Variants in MEI4 observed in about 807,000 individuals in gnomAD.
The protein encoded by MEI4 is meiotic double-stranded break formation protein 4.
A neutral mutation model predicts 31.4 loss-of-function variants in MEI4; 27 were observed. The ratio of observed to expected loss-of-function variants is 0.86; its 90% confidence interval spans 0.63 to 1.19. The LOEUF is 1.19. Ranked by LOEUF, MEI4 falls within the 50% of genes most tolerant of loss-of-function variation. MEI4 has a pLI of 0.00. For synonymous variants in MEI4, 122 were observed against 145.4 expected (o/e 0.84, Z 1.16); for missense variants, 329 against 398.9 (o/e 0.82, Z 1.49).
chr6:77,911,450 C>A (rs181767708), intron 4 of MEI4, among the ~76,000 whole-genome samples: 4 of 151,646 alleles, frequency 2.6e-5, no homozygotes, highest in Admixed American at 6.6e-5. Flanking sequence ...CAGGTATTAC[C>A]CCCTCCTTCT....
chr6:77,883,686 C>A (rs1771540938), intron 4 of MEI4, among the ~76,000 whole-genome samples: 1 of 98,488 alleles, frequency 1.0e-5, no homozygotes, highest in Non-Finnish European at 2.0e-5. Flanking sequence ...TGTTTATATA[C>A]ATATATATGC....
At chr6:77,874,282 G>C (rs1771274531) in intron 4 of MEI4, among the ~76,000 whole-genome samples, 1 of 152,022 alleles carries the variant, frequency 6.6e-6, no homozygotes, top group Admixed American at 6.6e-5. Context: ...TTATTTCCTT[G>C]AGCAGTGGTT....
At chr6:77,852,891 CAAT>C (rs1387059169) in intron 4 of MEI4, among the ~76,000 whole-genome samples, 2 of 152,034 alleles carry the variant, frequency 1.3e-5, no homozygotes, top group African/African-American at 4.8e-5. Flanking sequence ...GAAAAGAAAT[CAAT>C]AAAGCCAATA....
chr6:77,895,172 G>T (rs1237758479), intron 4 of MEI4, among the ~76,000 whole-genome samples: 2 of 152,116 alleles, frequency 1.3e-5, no homozygotes, highest in Non-Finnish European at 2.9e-5. Flanking sequence ...AAGTATAAAT[G>T]TAAGTGATTA....
chr6:77,815,900 AC>A (rs1288945110), intron 3 of MEI4, among the ~76,000 whole-genome samples: 1 of 113,068 alleles, frequency 8.8e-6, no homozygotes, highest in East Asian at 2.3e-4. Context: ...AAAAAAAAAA[AC>A]CAAAACAACA....
In MEI4 at chr6:77,693,165, T is replaced by C. The variant is rs9448152; in HGVS notation, c.232+2262T>C. 7.0e-3 allele frequency among the ~76,000 whole-genome samples: 1,059 copies of C among 152,190 alleles called. 13 individuals carry two copies. The highest frequency in any genetic ancestry group is 0.024 in the African/African-American group (999 of 41,534). On this transcript the variant is annotated intron_variant, in intron 2 of 4. Transcript: ENST00000684080. ...AATCTTACTATTGCATGAGCAAAAA[T>C]AGTATTACACAATTTACAGCCACAT...
Position 77,746,013 on chromosome 6 carries a change from A to G in MEI4, c.233-15117A>G, listed in dbSNP as rs997026255. Among the ~76,000 whole-genome samples the G allele has an allele frequency of 3.5e-4, 54 of 152,220 alleles. 6 individuals carry two copies. Among genetic ancestry groups the G allele is most frequent in the Admixed American group, 2.9e-3 (45 of 15,282 alleles). The stretch of plus-strand genomic sequence containing the variant: ...TATAACACTAAATGCCCACAAGAGA[A>G]AGCAGGAAAGATCCAAAATTGACAC... On this transcript the variant is annotated intron_variant, in intron 2 of 4. Transcript: ENST00000684080.
At chr6:77,655,129 C>T (rs1208596788) in intron 1 of MEI4, among the ~76,000 whole-genome samples, 1 of 152,104 alleles carries the variant, frequency 6.6e-6, no homozygotes, top group Non-Finnish European at 1.5e-5. Flanking sequence ...TTGTTCAACT[C>T]CCACTTATGA....
At chr6:77,673,848 G>T (rs1202105198) in intron 1 of MEI4, among the ~76,000 whole-genome samples, 2 of 152,164 alleles carry the variant, frequency 1.3e-5, no homozygotes, top group Non-Finnish European at 2.9e-5. Context: ...TGTATGAATA[G>T]TGTCCTGATA....
At chr6:77,738,292 C>T (rs781278980) in intron 2 of MEI4, among the ~76,000 whole-genome samples, 4 of 152,156 alleles carry the variant, frequency 2.6e-5, no homozygotes, top group African/African-American at 4.8e-5. Flanking sequence ...TCAGCTAAAA[C>T]GAATCTTCTC....
chr6:77,879,328 A>G (rs1372902415), intron 4 of MEI4, among the ~76,000 whole-genome samples: 1 of 152,200 alleles, frequency 6.6e-6, no homozygotes, highest in African/African-American at 2.4e-5. Flanking sequence ...TAAAATGATG[A>G]CATGAAAAGT....
intron 3 of MEI4, among the ~76,000 whole-genome samples, chr6:77,769,072 AACATT>A (rs1416426915): frequency 1.3e-5 from 2 of 152,190 alleles, no homozygotes; most frequent in African/African-American, 4.8e-5. Flanking sequence ...ACCTGATTTT[AACATT>A]ACATTAAGGA....
At chr6:77,674,684 T>C (rs1768807744) in intron 1 of MEI4, among the ~76,000 whole-genome samples, 1 of 152,090 alleles carries the variant, frequency 6.6e-6, no homozygotes, top group East Asian at 1.9e-4. Context: ...TGCATCTCTG[T>C]CATTAAGCAA....
chr6:77,876,669 A>T (rs1212389732), intron 4 of MEI4, among the ~76,000 whole-genome samples: 1 of 152,138 alleles, frequency 6.6e-6, no homozygotes, highest in Non-Finnish European at 1.5e-5. Flanking sequence ...TGTAAATATT[A>T]GTTTCCTCTG....
intron 2 of MEI4, among the ~76,000 whole-genome samples, chr6:77,711,328 A>G (rs574242533): frequency 5.9e-5 from 9 of 152,194 alleles, no homozygotes; most frequent in Admixed American, 1.3e-4. Flanking sequence ...GTATATGTGT[A>G]TATATGTATA....
chr6:77,744,014 G>A (rs528610220), intron 2 of MEI4, among the ~76,000 whole-genome samples: 4 of 152,142 alleles, frequency 2.6e-5, no homozygotes, highest in South Asian at 2.1e-4. Flanking sequence ...CCACAAAGAC[G>A]GAGAAAAAAC....
chr6:77,802,682 C>T (rs546199294), intron 3 of MEI4, among the ~76,000 whole-genome samples: 9 of 152,138 alleles, frequency 5.9e-5, no homozygotes, highest in Non-Finnish European at 1.2e-4. Flanking sequence ...ACAAAACTCT[C>T]TCAGCATTTG....
intron 2 of MEI4, among the ~76,000 whole-genome samples, chr6:77,706,202 C>T (rs531280449): frequency 6.6e-6 from 1 of 152,314 alleles, no homozygotes; most frequent in East Asian, 1.9e-4. Context: ...TAACCTTCTT[C>T]TGCCTTTCTG....
At chr6:77,822,617 C>A (rs933545320) in intron 3 of MEI4, among the ~76,000 whole-genome samples, 1 of 149,708 alleles carries the variant, frequency 6.7e-6, no homozygotes, top group African/African-American at 2.4e-5. Context: ...TGGATACCCC[C>A]CCCCCCTTTT....
Sources: gnomAD v4.1 joint callset for allele counts (sites outside exome capture counted in the v4.1 genomes callset) on GRCh38, gnomAD v4.1.1 for gene constraint, MANE v1.5 for transcripts, NCBI Gene and HGNC (gene_info 2026-07-23, HGNC 2026-07-21) for gene names.